The following PTK2 variants were observed in gnomAD, a reference collection of about 807,000 sequenced individuals.
PTK2 encodes focal adhesion kinase 1.
A neutral mutation model predicts 150.1 loss-of-function variants in PTK2; 45 were observed. The ratio of observed to expected loss-of-function variants is 0.30; its 90% CI spans 0.24 to 0.38. The LOEUF (loss-of-function observed/expected upper bound fraction) is 0.38. Ranked by LOEUF, PTK2 falls within the 10% of genes least tolerant of loss-of-function variation. The pLI, the probability that PTK2 is intolerant of heterozygous loss-of-function variation, is 1.00. For missense variants in PTK2, 919 were observed against 1,307.3 expected, an observed-to-expected ratio of 0.70 and a Z score of 4.58; for synonymous variants, 432 against 449.2, an observed-to-expected ratio of 0.96 and a Z score of 0.48.
intron 1 of PTK2, among the ~76,000 whole-genome samples, chr8:141,000,719 CCTTT>C (rs1470211236): frequency 2.0e-5 from 3 of 147,702 alleles, no homozygotes; most frequent in East Asian, 2.0e-4. Flanking sequence ...CGTCCCCCAG[CCTTT>C]CTGTCTTCCC....
At chr8:140,870,324 A>G (rs1038369351) in intron 4 of PTK2, among the ~76,000 whole-genome samples, 1 of 152,238 alleles carries the variant, frequency 6.6e-6, no homozygotes, top group African/African-American at 2.4e-5. Flanking sequence ...ACACTGATTG[A>G]TAATAAAACA....
At chr8:140,934,540 C>G (rs1171241996) in intron 1 of PTK2, 1 of 152,194 alleles carries the variant, frequency 6.6e-6, no homozygotes. Flanking sequence ...ACCATCCCAA[C>G]AAGTTTCTTA....
At chr8:140,833,111 G>GT in intron 7 of PTK2, 1 of 515,594 alleles carries the variant, frequency 1.9e-6, no homozygotes, top group South Asian at 1.4e-5. Context: ...GGAAGCATAT[G>GT]TTTTTTGAAA....
chr8:140,877,696 C>T (rs551658201), intron 4 of PTK2, among the ~76,000 whole-genome samples: 99 of 151,776 alleles, frequency 6.5e-4, no homozygotes, highest in African/African-American at 2.3e-3. Context: ...CAGTAGTATC[C>T]CGATCACCCT....
chr8:140,835,539 A>G (rs925194266), intron 7 of PTK2, among the ~76,000 whole-genome samples: 1 of 152,180 alleles, frequency 6.6e-6, no homozygotes, highest in African/African-American at 2.4e-5. Flanking sequence ...TAACAGACAA[A>G]TGTTAAAATT....
At chr8:140,756,684 T>C (rs1436843962) in intron 16 of PTK2, among the ~76,000 whole-genome samples, 1 of 126,882 alleles carries the variant, frequency 7.9e-6, no homozygotes, top group Non-Finnish European at 1.6e-5. Flanking sequence ...AGAGGGAAAC[T>C]CTGTCTCAAA....
intron 2 of PTK2, among the ~76,000 whole-genome samples, chr8:140,917,902 A>G (rs1165555272): frequency 6.6e-6 from 1 of 152,236 alleles, no homozygotes; most frequent in Non-Finnish European, 1.5e-5. Flanking sequence ...CAGGAATGAG[A>G]GCACTGGAGT....
At chr8:140,856,997 C>A (rs1274826234) in intron 5 of PTK2, among the ~76,000 whole-genome samples, 1 of 152,116 alleles carries the variant, frequency 6.6e-6, no homozygotes, top group African/African-American at 2.4e-5. Context: ...TTATAAAATT[C>A]TTTCAACACT....
intron 22 of PTK2, among the ~76,000 whole-genome samples, chr8:140,726,531 AC>A (rs1368570819): frequency 6.6e-6 from 1 of 152,192 alleles, no homozygotes; most frequent in African/African-American, 2.4e-5. Context: ...CACACTGCAT[AC>A]AAAGTAACAA....
intron 1 of PTK2, among the ~76,000 whole-genome samples, chr8:140,930,644 T>G (rs747522223): frequency 1.3e-5 from 2 of 152,252 alleles, no homozygotes; most frequent in African/African-American, 2.4e-5. Context: ...CATGTATTAT[T>G]TAGAAAGGTA....
chr8:140,939,211 C>T (rs1400901246), intron 1 of PTK2, among the ~76,000 whole-genome samples: 5 of 152,112 alleles, frequency 3.3e-5, no homozygotes, highest in Admixed American at 6.5e-5. Context: ...AATCCAGAGA[C>T]TTATTCTAAA....
At chr8:140,711,168 G>A (rs2100036646) in intron 23 of PTK2, among the ~76,000 whole-genome samples, 1 of 151,586 alleles carries the variant, frequency 6.6e-6, no homozygotes, top group Non-Finnish European at 1.5e-5. Context: ...GTGCAGTGGC[G>A]TGATCTCGGC....
intron 22 of PTK2, among the ~76,000 whole-genome samples, chr8:140,719,533 G>A (rs1436471079): frequency 1.3e-5 from 2 of 152,088 alleles, no homozygotes; most frequent in Admixed American, 6.5e-5. Flanking sequence ...GCTCCCCTCC[G>A]CTGCTGGGAG....
intron 4 of PTK2, among the ~76,000 whole-genome samples, chr8:140,878,216 T>G (rs1393394825): frequency 3.9e-5 from 6 of 152,244 alleles, no homozygotes; most frequent in Admixed American, 2.0e-4. Flanking sequence ...GAGTATTTTG[T>G]TAGCTTGGTA....
At chr8:140,734,188 G>A (rs2100051212) in intron 22 of PTK2, among the ~76,000 whole-genome samples, 1 of 152,092 alleles carries the variant, frequency 6.6e-6, no homozygotes, top group South Asian at 2.1e-4. Context: ...TTAGGAAAAA[G>A]ACTAAAATAC....
At chr8:140,879,676 G>GAA in intron 3 of PTK2, 39 bp from the exon 4 acceptor site, 2,244 of 34,578 alleles carry the variant, frequency 0.065, 140 homozygotes, top group African/African-American at 0.08. Context: ...GTTATAAACT[G>GAA]AAAAAAAAAA....
chr8:140,807,233 T>C (rs973045318), intron 10 of PTK2, among the ~76,000 whole-genome samples: 1 of 152,140 alleles, frequency 6.6e-6, no homozygotes, highest in Admixed American at 6.5e-5. Context: ...ATAAGGACTA[T>C]AACAAAGCAA....
Position 140,659,607 on chromosome 8 carries a change from C to T in PTK2, c.3018G>A (p.Gln1006=), listed in dbSNP as rs772215686. ...CTTGCTGGAGGCTGGTCATGACATA[C>T]TGCTGGGCCAGTTTCATCTTGTTGA... is the stretch of plus-strand genomic sequence containing the variant. Residue 1006 remains glutamine, a synonymous_variant, in exon 32 of 32, where the codon CAG becomes CAA. Transcript: ENST00000522684. 3.1e-6 allele frequency: 5 copies of T among 1,614,076 alleles called. No homozygotes were observed. The South Asian group carries it at 5.5e-5, about 18-fold the overall frequency.
intron 13 of PTK2, among the ~76,000 whole-genome samples, chr8:140,792,598 G>T (rs543352424): frequency 6.6e-6 from 1 of 152,190 alleles, no homozygotes; most frequent in African/African-American, 2.4e-5. Context: ...AGCTAAACAC[G>T]GGGGAGACAC....
Sources: gnomAD v4.1 joint callset for allele counts (sites outside exome capture counted in the v4.1 genomes callset) on GRCh38, gnomAD v4.1.1 for gene constraint, MANE v1.5 for transcripts, NCBI Gene and HGNC (gene_info 2026-07-23, HGNC 2026-07-21) for gene names.